The following GRID2 variants were observed in gnomAD, a reference collection of about 807,000 sequenced individuals.
GRID2 encodes the protein glutamate receptor ionotropic, delta-2.
In GRID2, 33 loss-of-function variants were observed where a neutral mutation model predicts 114.8. The observed-to-expected ratio is 0.29, with a 90% CI of 0.22 to 0.38. GRID2 has a LOEUF of 0.38. Ranked by LOEUF, GRID2 falls within the 10% of genes least tolerant of loss-of-function variation. The probability of loss-of-function intolerance (pLI) is 1.00; values close to 1 mark genes in which losing one functional copy is unlikely to be tolerated. For synonymous variants in GRID2, 505 were observed against 449.9 expected (o/e 1.12, Z -1.55); for missense variants, 1,184 against 1,257.7 (o/e 0.94, Z 0.89).
intron 1 of GRID2, among the ~76,000 whole-genome samples, chr4:92,534,546 G>A (rs1437261744): frequency 2.0e-5 from 3 of 152,150 alleles, no homozygotes; most frequent in Non-Finnish European, 4.4e-5. Context: ...CCACAGGTGA[G>A]ATAATTCCTT....
At chr4:93,458,826 C>T (rs1186995635) in intron 11 of GRID2, among the ~76,000 whole-genome samples, 1 of 151,996 alleles carries the variant, frequency 6.6e-6, no homozygotes, top group African/African-American at 2.4e-5. Flanking sequence ...AATAGTAGAT[C>T]ATGGGGTATA....
At chr4:93,359,600 C>T (rs146481534) in intron 8 of GRID2, among the ~76,000 whole-genome samples, 108 of 151,514 alleles carry the variant, frequency 7.1e-4, no homozygotes, top group Non-Finnish European at 1.5e-3. Context: ...AACCATCCTT[C>T]TCTCTCTGTG....
chr4:93,246,323 C>A (rs533488264), intron 8 of GRID2, among the ~76,000 whole-genome samples: 34 of 152,182 alleles, frequency 2.2e-4, no homozygotes, highest in Non-Finnish European at 2.2e-4. Context: ...CATGGTGGCT[C>A]ACACCTGTAA....
At chr4:93,580,346 A>G (rs1456566383) in intron 13 of GRID2, among the ~76,000 whole-genome samples, 2 of 152,214 alleles carry the variant, frequency 1.3e-5, no homozygotes, top group African/African-American at 4.8e-5. Context: ...CCATAAAAGT[A>G]GGCAAGTGGG....
intron 2 of GRID2, among the ~76,000 whole-genome samples, chr4:92,737,807 T>C (rs1239496615): frequency 6.6e-6 from 1 of 152,174 alleles, no homozygotes; most frequent in Non-Finnish European, 1.5e-5. Context: ...CTTCATTTAA[T>C]GCATTTCAAT....
chr4:93,795,424 T>C lies in GRID2; in HGVS notation c.222-11291T>C, dbSNP rs548429707. Reference sequence around the variant, plus strand: ...TTCCACCTTAATGACAGATTTCCATTAAGTGAAAAATTACAAGAGAAAGAA... The same window carrying C: ...TTCCACCTTAATGACAGATTTCCATCAAGTGAAAAATTACAAGAGAAAGAA... On this transcript the variant is annotated intron_variant, in intron 1 of 1. Transcript: ENST00000637838. Among the ~76,000 whole-genome samples the C allele has an allele frequency of 1.4e-4, 21 of 152,136 alleles. No individual in the cohort carries two copies. In the South Asian group the frequency reaches 4.3e-3, roughly 32 times the overall value.
At chr4:93,516,193 T>G (rs1315355867) in intron 13 of GRID2, among the ~76,000 whole-genome samples, 2 of 152,142 alleles carry the variant, frequency 1.3e-5, no homozygotes, top group Non-Finnish European at 2.9e-5. Flanking sequence ...TGGTATACAC[T>G]TTTTCTCTCT....
intron 2 of GRID2, among the ~76,000 whole-genome samples, chr4:92,801,794 A>C (rs1003841712): frequency 3.9e-5 from 6 of 151,902 alleles, no homozygotes; most frequent in African/African-American, 1.4e-4. Flanking sequence ...TTATTAACTC[A>C]TAATACTCAT....
At chr4:93,637,501 A>G (rs1721519429) in intron 14 of GRID2, among the ~76,000 whole-genome samples, 1 of 152,168 alleles carries the variant, frequency 6.6e-6, no homozygotes, top group Non-Finnish European at 1.5e-5. Context: ...AAGGATCTAA[A>G]TTGTCTTCAT....
At chr4:92,548,496 G>A (rs1267370998) in intron 1 of GRID2, among the ~76,000 whole-genome samples, 1 of 138,238 alleles carries the variant, frequency 7.2e-6, no homozygotes, top group African/African-American at 2.7e-5. Context: ...CCGCCTGCCG[G>A]GTTCAAGTGA....
chr4:93,137,938 A>G (rs1220763241), intron 4 of GRID2, among the ~76,000 whole-genome samples: 1 of 150,492 alleles, frequency 6.6e-6, no homozygotes, highest in South Asian at 2.1e-4. Flanking sequence ...GATTTTGAAC[A>G]TAAAAGTCTA....
chr4:92,844,170 A>C (rs1358831225), intron 2 of GRID2, among the ~76,000 whole-genome samples: 1 of 152,108 alleles, frequency 6.6e-6, no homozygotes, highest in Non-Finnish European at 1.5e-5. Context: ...TGAATTAACA[A>C]GCTTAACTCA....
chr4:92,404,596 C>A (rs1227784039), intron 1 of GRID2, among the ~76,000 whole-genome samples: 1 of 152,108 alleles, frequency 6.6e-6, no homozygotes, highest in Non-Finnish European at 1.5e-5. Flanking sequence ...ATGTTCATTG[C>A]AGCACTATTC....
chr4:93,625,872 G>A (rs1308433018), intron 13 of GRID2, among the ~76,000 whole-genome samples: 2 of 152,072 alleles, frequency 1.3e-5, no homozygotes, highest in Non-Finnish European at 2.9e-5. Context: ...CGGAGATCGC[G>A]CCACTGCACT....
chr4:93,346,403 C>T (rs1220848550), intron 8 of GRID2, among the ~76,000 whole-genome samples: 1 of 152,140 alleles, frequency 6.6e-6, no homozygotes, highest in Non-Finnish European at 1.5e-5. Flanking sequence ...CTCTTCAGCA[C>T]AATACTCCAA....
rs1026811002 is a variant in GRID2 at position 93,667,784 on chromosome 4, A to G, written c.2360+41349A>G. ...TTATCCTGTGAAAAAGATGAGATCA[A>G]GGAACTGGATTTATTAAGCCACATA... On this transcript the variant is annotated intron_variant, in intron 14 of 15. Coordinates refer to ENST00000282020, the MANE Select transcript of GRID2 (RefSeq NM_001510.4). Among the ~76,000 whole-genome samples, 37 of 152,210 alleles carry G rather than the reference A, an allele frequency of 2.4e-4. 1 individual carries two copies. The highest frequency in any genetic ancestry group is 2.4e-3 in the Admixed American group (37 of 15,260).
chr4:92,418,884 T>G (rs1319153921), intron 1 of GRID2, among the ~76,000 whole-genome samples: 2 of 152,076 alleles, frequency 1.3e-5, no homozygotes, highest in Admixed American at 1.3e-4. Context: ...TTGGCCTTTA[T>G]TTTTACTTCT....
intron 2 of GRID2, among the ~76,000 whole-genome samples, chr4:92,679,436 C>A (rs1346104222): frequency 6.6e-6 from 1 of 151,958 alleles, no homozygotes; most frequent in African/African-American, 2.4e-5. Context: ...CTTCTATCAC[C>A]CTGAAATCTT....
chr4:92,361,262 G>A (rs1027827864), intron 1 of GRID2, among the ~76,000 whole-genome samples: 2 of 151,900 alleles, frequency 1.3e-5, no homozygotes, highest in African/African-American at 4.8e-5. Flanking sequence ...ACCTTCGCAG[G>A]TAAGTCATTC....
Sources: allele counts gnomAD v4.1 joint callset (sites outside exome capture counted in the v4.1 genomes callset), GRCh38; gene constraint gnomAD v4.1.1; transcripts MANE v1.5; gene names NCBI Gene and HGNC (gene_info 2026-07-23, HGNC 2026-07-21).